The following EEF1B2 variants were observed in gnomAD, a reference collection of about 807,000 sequenced individuals.
EEF1B2 encodes the protein eukaryotic translation elongation factor 1 beta 2.
EEF1B2 carries 12 observed loss-of-function variants against 28.3 expected under a neutral mutation model. The ratio of observed to expected loss-of-function variants is 0.42; its 90% CI spans 0.27 to 0.69. The LOEUF is 0.69. Among genes scored for constraint, EEF1B2 ranks in the 30% least tolerant of loss-of-function variants. The pLI, the probability that EEF1B2 is intolerant of heterozygous loss-of-function variation, is 0.22. For missense variants in EEF1B2, 234 were observed against 272.6 expected, an observed-to-expected ratio of 0.86 and a Z score of 1.00; for synonymous variants, 83 against 99.9, an observed-to-expected ratio of 0.83 and a Z score of 1.01.
chr2:206,160,426 C>T (rs1687882245), intron 1 of EEF1B2, 162 bp from the exon 2 acceptor site: 2 of 1,308,568 alleles, frequency 1.5e-6, no homozygotes, highest in Admixed American at 2.6e-5. Flanking sequence ...GTGACCCAAA[C>T]ATATGGTTTG....
At position 206,160,725 on chromosome 2, in the gene EEF1B2, G is replaced by T. The variant is rs1321556546; in HGVS notation, c.203+15G>T. The T allele has an allele frequency of 2.5e-6, 4 of 1,613,962 alleles. No individual in the cohort carries two copies. Among genetic ancestry groups the T allele is most frequent in the African/African-American group, 1.3e-5 (1 of 74,922 alleles). ...GAAAAGGCCAGGTAAAATCATCTTT[G>T]TATAGAGCTGAAGAATAAGACTGCT... is the stretch of plus-strand genomic sequence containing the variant. On this transcript the variant is annotated intron_variant, in intron 2 of 5. Transcript: ENST00000392222.
At position 206,160,677 on chromosome 2, in the gene EEF1B2, A is replaced by G. The variant is rs371880397; in HGVS notation, c.170A>G (p.Asn57Ser). Reference sequence around the variant, plus strand: ...TTGTGTCATGCCCTACGTTGGTATAATCACATCAAGTCTTACGAAAAGGAA... The same window carrying G: ...TTGTGTCATGCCCTACGTTGGTATAGTCACATCAAGTCTTACGAAAAGGAA... ...ADLCHALRWY[N>S]HIKSYEKEKA... Residue 57 changes from asparagine to serine, a missense_variant, in exon 2 of 6, where the codon AAT becomes AGT. By Grantham distance (46) the Asn-to-Ser change is conservative. Around this residue, in one of 2 missense-constraint regions of EEF1B2, gnomAD observed 178 missense variants for 173.3 expected, o/e 1.03. Transcript: ENST00000392222. 9 of 1,614,124 alleles carry G rather than the reference A, an allele frequency of 5.6e-6. No individual in the cohort carries two copies. Among genetic ancestry groups the G allele is most frequent in the Non-Finnish European group, 7.6e-6 (9 of 1,180,038 alleles).
chr2:206,162,646 A>G (rs1392007103), intron 5 of EEF1B2, 32 bp downstream of exon 5: 8 of 1,593,708 alleles, frequency 5.0e-6, no homozygotes, highest in Non-Finnish European at 6.8e-6. Flanking sequence ...TTTTTTTTGA[A>G]ACTAACATCT....
rs758821800 is a variant in EEF1B2 at position 206,162,575 on chromosome 2, G to A, written c.484G>A (p.Val162Ile). Residue 162 changes from valine to isoleucine, a missense_variant, in exon 5 of 6, where the codon GTC becomes ATC. Physicochemically the swap from Val to Ile is conservative, Grantham distance 29. Around this residue, in one of 2 missense-constraint regions of EEF1B2, gnomAD observed 56 missense variants for 99.3 expected, o/e 0.56. Transcript: ENST00000392222. ...ETDMAKLEEC[V>I]RSIQADGLVW... ...AGATATGGCGAAATTAGAGGAGTGC[G>A]TCAGAAGCATTCAAGCAGACGGCTT... The A allele has an allele frequency of 1.1e-5, 18 of 1,613,354 alleles. No homozygotes were observed. In the Admixed American group the frequency reaches 2.0e-4, roughly 18 times the overall value.
rs760143138 is a variant in EEF1B2, at chr2:206,159,969, C to T, written c.-11C>T. ...TCTGCTGCTCCCCAGCTCTCGGATACAGCCGACACCATGGGTTTCGGAGAC... is the reference window on the plus strand; with the variant it reads ...TCTGCTGCTCCCCAGCTCTCGGATATAGCCGACACCATGGGTTTCGGAGAC... On this transcript the variant is annotated 5_prime_UTR_variant, in exon 1 of 6. Coordinates refer to ENST00000392222, the MANE Select transcript of EEF1B2 (RefSeq NM_001959.4). 3 of 1,610,744 alleles carry T rather than the reference C, an allele frequency of 1.9e-6. No homozygotes were observed. Among genetic ancestry groups the T allele is most frequent in the East Asian group, 2.2e-5 (1 of 44,710 alleles).
upstream of EEF1B2, chr2:206,159,780 A>G (rs906079980): frequency 2.0e-5 from 11 of 542,570 alleles, no homozygotes; most frequent in Non-Finnish European, 3.3e-5. Flanking sequence ...AGGGCCCCCA[A>G]TTCGTACGTG....
At chr2:206,162,453 A>C in intron 4 of EEF1B2, 36 bp from the exon 5 acceptor site, 1 of 1,609,838 alleles carries the variant, frequency 6.2e-7, no homozygotes, top group Non-Finnish European at 8.5e-7. Flanking sequence ...AAAAAATACA[A>C]TTCATTATTT....
Position 206,159,939 on chromosome 2 carries a change from C to T in EEF1B2, c.-41C>T, listed in dbSNP as rs754859222. On this transcript the variant is annotated 5_prime_UTR_variant, in exon 1 of 6. Coordinates refer to ENST00000392222, the MANE Select transcript of EEF1B2 (RefSeq NM_001959.4). ...GTGGGGCGCCCACAATTTGCGCGCT[C>T]TCTTTCTGCTGCTCCCCAGCTCTCG... The T allele has an allele frequency of 5.0e-6, 8 of 1,601,530 alleles. No homozygotes were observed. Among genetic ancestry groups the T allele is most frequent in the Admixed American group, 1.7e-5 (1 of 57,328 alleles).
chr2:206,160,478 C>A, intron 1 of EEF1B2, 110 bp from the exon 2 acceptor site: 1 of 1,563,696 alleles, frequency 6.4e-7, no homozygotes, highest in Admixed American at 1.9e-5. Context: ...TTAAAGCAAC[C>A]CTGCTGGGGT....
chr2:206,160,540 G>A, intron 1 of EEF1B2, 48 bp from the exon 2 acceptor site: 1 of 1,613,062 alleles, frequency 6.2e-7, no homozygotes, highest in Non-Finnish European at 8.5e-7. Flanking sequence ...TTATTCGCTG[G>A]CGTTTGTTTT....
chr2:206,160,113 G>T, intron 1 of EEF1B2, 54 bp downstream of exon 1: 1 of 1,585,848 alleles, frequency 6.3e-7, no homozygotes, highest in Non-Finnish European at 8.6e-7. Flanking sequence ...CCCGGGGCCG[G>T]GGCCACGTGG....
rs1470831461 is a variant in EEF1B2, at chr2:206,159,996, T to C, written c.17T>C (p.Leu6Pro). MGFGD[L>P]KSPAGLQVLN... ...GCCGACACCATGGGTTTCGGAGACC[T>C]GAAAAGCCCTGCCGGCCTCCAGGTG... Residue 6 changes from leucine to proline, a missense_variant, in exon 1 of 6, where the codon CTG becomes CCG. Around this residue, in one of 2 missense-constraint regions of EEF1B2, gnomAD observed 178 missense variants for 173.3 expected, o/e 1.03. Transcript: ENST00000392222. 1.4e-5 allele frequency: 22 copies of C among 1,613,048 alleles called. No individual in the cohort carries two copies. Among genetic ancestry groups the C allele is most frequent in the Non-Finnish European group, 1.9e-5 (22 of 1,179,746 alleles).
chr2:206,162,810 T>G lies in EEF1B2; in HGVS notation c.605T>G (p.Met202Arg). 6.2e-7 allele frequency: 1 copy of G among 1,607,692 alleles called. No individual in the cohort carries two copies. The highest frequency in any genetic ancestry group is 8.5e-7 in the Non-Finnish European group (1 of 1,179,884). The change falls in exon 6 of 6, where the codon ATG becomes AGG. Residue 202 changes from methionine to arginine, a missense_variant. Physicochemically the swap from Met to Arg is moderately conservative, Grantham distance 91. Transcript: ENST00000392222. ...GAAGATGATAAAGTTGGAACAGATA[T>G]GCTGGAGGAGCAGATCACTGCTTTT... ...VVEDDKVGTD[M>R]LEEQITAFED... is the part of the protein sequence containing the mutation.
chr2:206,160,181 G>A, intron 1 of EEF1B2, 122 bp downstream of exon 1: 2 of 1,285,486 alleles, frequency 1.6e-6, no homozygotes, highest in Non-Finnish European at 2.1e-6. Flanking sequence ...CCTTTCGAGA[G>A]GGAGGGGAAA....
intron 3 of EEF1B2, 98 bp from the exon 4 acceptor site, chr2:206,161,940 T>G (rs1687946747): frequency 9.5e-7 from 1 of 1,053,770 alleles, no homozygotes; most frequent in African/African-American, 1.6e-5. Context: ...TGGATTTGCT[T>G]TTTTCTGATT....
intron 3 of EEF1B2, 79 bp downstream of exon 3, chr2:206,161,551 G>A: frequency 1.3e-6 from 2 of 1,582,656 alleles, no homozygotes; most frequent in South Asian, 2.2e-5. Flanking sequence ...GGGAGGCTGA[G>A]GCGGGTGGAT....
rs1270961617 is a variant in EEF1B2 at position 206,162,577 on chromosome 2, C to T, written c.486C>T (p.Val162=). The change falls in exon 5 of 6, where the codon GTC becomes GTT. Residue 162 remains valine (V), a synonymous_variant. Transcript: ENST00000392222. ...ETDMAKLEEC[V]RSIQADGLVW... is the part of the protein sequence containing the mutation. The stretch of plus-strand genomic sequence containing the variant: ...ATATGGCGAAATTAGAGGAGTGCGT[C>T]AGAAGCATTCAAGCAGACGGCTTAG... 6.2e-7 allele frequency: 1 copy of T among 1,612,946 alleles called. No homozygotes were observed. The highest frequency in any genetic ancestry group is 8.5e-7 in the Non-Finnish European group (1 of 1,180,002).
In EEF1B2 at chr2:206,162,477, T is replaced by G. The variant is rs778229183; in HGVS notation, c.398-12T>G. Reference sequence around the variant, plus strand: ...AATTCATTATTTGAATAATGCTGTTTATTGTTTTTAGAACCTGCACTTGTT... The same window carrying G: ...AATTCATTATTTGAATAATGCTGTTGATTGTTTTTAGAACCTGCACTTGTT... On this transcript the variant is annotated splice_polypyrimidine_tract_variant and intron_variant, in intron 4 of 5. Transcript: ENST00000392222. The G allele has an allele frequency of 1.2e-6, 2 of 1,612,044 alleles. No homozygotes were observed. Among genetic ancestry groups the G allele is most frequent in the Admixed American group, 3.4e-5 (2 of 59,528 alleles).
chr2:206,161,342 C>G lies in EEF1B2; in HGVS notation c.204-4C>G. Reference sequence around the variant, plus strand: ...ATAGTGGTTGAATTTAAATGTTTTTCAAGCCTGCCAGGAGTGAAGAAAGCT... The same window carrying G: ...ATAGTGGTTGAATTTAAATGTTTTTGAAGCCTGCCAGGAGTGAAGAAAGCT... On this transcript the variant is annotated splice_region_variant and splice_polypyrimidine_tract_variant and intron_variant, in intron 2 of 5. Transcript: ENST00000392222. 1 of 1,613,492 alleles carries G rather than the reference C, an allele frequency of 6.2e-7. No individual in the cohort carries two copies. Among genetic ancestry groups the G allele is most frequent in the Non-Finnish European group, 8.5e-7 (1 of 1,179,880 alleles).
Sources: gnomAD v4.1 joint callset for allele counts on GRCh38, gnomAD v4.1.1 for gene constraint, gnomAD v4.1.1 regional missense constraint, MANE v1.5 for transcripts, NCBI Gene and HGNC (gene_info 2026-07-23, HGNC 2026-07-21) for gene names.